Variants in TTLL5 observed in about 807,000 individuals in gnomAD.
The protein encoded by TTLL5 is tubulin tyrosine ligase like 5.
In TTLL5, 132 loss-of-function variants were observed where a neutral mutation model predicts 168.4. That is an observed-to-expected ratio of 0.78 (90% CI 0.68 to 0.91). The LOEUF (loss-of-function observed/expected upper bound fraction) is 0.91, where lower values mean the gene tolerates loss of function less well. Among genes scored for constraint, TTLL5 ranks in the 40% least tolerant of loss-of-function variants. The pLI is 0.00. For synonymous variants in TTLL5, 546 were observed against 558.6 expected, an observed-to-expected ratio of 0.98 and a Z score of 0.32; for missense variants, 1,545 against 1,581.5, an observed-to-expected ratio of 0.98 and a Z score of 0.39.
intron 6 of TTLL5, among the ~76,000 whole-genome samples, chr14:75,692,117 T>G (rs1040353414): frequency 1.8e-4 from 28 of 152,228 alleles, no homozygotes; most frequent in African/African-American, 6.0e-4. Context: ...TACTCCAACT[T>G]CTGTGTGCCT....
At chr14:75,849,823 G>A (rs144147168) in intron 28 of TTLL5, among the ~76,000 whole-genome samples, 74 of 152,270 alleles carry the variant, frequency 4.9e-4, no homozygotes, top group Admixed American at 4.1e-3. Flanking sequence ...GTGACTGGTC[G>A]GGTGTGGTGG....
chr14:75,833,167 G>T (rs1431112232), intron 28 of TTLL5, among the ~76,000 whole-genome samples: 1 of 152,052 alleles, frequency 6.6e-6, no homozygotes, highest in Non-Finnish European at 1.5e-5. Flanking sequence ...TTTTCTGCCA[G>T]GCCATCCCCT....
chr14:75,717,407 G>T (rs1341575155), intron 9 of TTLL5, among the ~76,000 whole-genome samples: 1 of 152,180 alleles, frequency 6.6e-6, no homozygotes, highest in East Asian at 1.9e-4. Flanking sequence ...GAGCCACCAT[G>T]CCCAGCCAGT....
intron 15 of TTLL5, among the ~76,000 whole-genome samples, chr14:75,743,630 G>A (rs1370710630): frequency 1.6e-5 from 2 of 123,426 alleles, no homozygotes; most frequent in Non-Finnish European, 3.1e-5. Context: ...TGCCCAGGCT[G>A]GAGTGCAGTG....
intron 3 of TTLL5, among the ~76,000 whole-genome samples, chr14:75,671,522 G>A (rs929666841): frequency 1.7e-4 from 26 of 152,004 alleles, no homozygotes; most frequent in African/African-American, 6.0e-4. Flanking sequence ...CTATGAACAT[G>A]GAATGTCTTT....
chr14:75,941,867 T>C (rs976976393), intron 31 of TTLL5, among the ~76,000 whole-genome samples: 103 of 98,692 alleles, frequency 1.0e-3, no homozygotes, highest in Non-Finnish European at 1.2e-3. Flanking sequence ...TTTTTTTTTT[T>C]CTGAACTGGA....
At chr14:75,740,262 T>C (rs771397747) in intron 15 of TTLL5, among the ~76,000 whole-genome samples, 4 of 152,226 alleles carry the variant, frequency 2.6e-5, no homozygotes, top group Non-Finnish European at 5.9e-5. Flanking sequence ...AAATAAAGCA[T>C]TCTTCATACT....
chr14:75,849,114 A>G (rs1220172245), intron 28 of TTLL5, among the ~76,000 whole-genome samples: 1 of 152,178 alleles, frequency 6.6e-6, no homozygotes, highest in Non-Finnish European at 1.5e-5. Flanking sequence ...TCCCAAATTT[A>G]TGTAATTGTC....
intron 15 of TTLL5, among the ~76,000 whole-genome samples, chr14:75,739,404 T>TA (rs941930369): frequency 9.4e-5 from 14 of 149,316 alleles, no homozygotes; most frequent in Admixed American, 4.0e-4. Flanking sequence ...TGGAGCTAAG[T>TA]AAAAAAAAAA....
At chr14:75,727,876 T>C (rs1461975094) in intron 12 of TTLL5, 1 of 493,874 alleles carries the variant, frequency 2.0e-6, no homozygotes, top group African/African-American at 1.9e-5. Context: ...GGCAGGATAC[T>C]TACTAGGAAG....
At chr14:75,698,472 G>GA (rs1886021549) in intron 6 of TTLL5, among the ~76,000 whole-genome samples, 1 of 152,016 alleles carries the variant, frequency 6.6e-6, no homozygotes, top group Non-Finnish European at 1.5e-5. Flanking sequence ...ACTAGATTTT[G>GA]GCTTACATTG....
chr14:75,743,586 T>TC (rs1889402029), intron 15 of TTLL5, among the ~76,000 whole-genome samples: 1 of 138,682 alleles, frequency 7.2e-6, no homozygotes. Context: ...TTTTTTTTTT[T>TC]TTTTTTTTTT....
rs535441834 is a variant in TTLL5 at position 75,731,499 on chromosome 14, C to G, written c.1043-839C>G. 3.9e-5 allele frequency among the ~76,000 whole-genome samples: 6 copies of G among 151,916 alleles called. No individual in the cohort carries two copies. The South Asian group carries it at 1.0e-3, about 26-fold the overall frequency. ...AAGGGTTTCAAAGTTAACCTCTCAT[C>G]CCTGAACTTGTTAAATGAAACCAGG... On this transcript the variant is annotated intron_variant, in intron 12 of 31. Transcript: ENST00000298832.
At chr14:75,929,071 GTACACAAGGAGGGA>G (rs1270152819) in intron 31 of TTLL5, among the ~76,000 whole-genome samples, 1 of 121,396 alleles carries the variant, frequency 8.2e-6, no homozygotes, top group Non-Finnish European at 1.6e-5. Flanking sequence ...TCTTGTCATT[GTACACAAGGAGGGA>G]ATCTCTGAGT....
At chr14:75,677,673 A>C (rs1884281761) in intron 3 of TTLL5, among the ~76,000 whole-genome samples, 1 of 151,484 alleles carries the variant, frequency 6.6e-6, no homozygotes, top group Non-Finnish European at 1.5e-5. Flanking sequence ...GCTGGAGTGC[A>C]ATGGTGTGAT....
At chr14:75,809,924 C>T (rs1893892671) in intron 27 of TTLL5, among the ~76,000 whole-genome samples, 1 of 152,068 alleles carries the variant, frequency 6.6e-6, no homozygotes, top group Non-Finnish European at 1.5e-5. Context: ...GAACTATATT[C>T]CTCTATGTAT....
Position 75,932,546 on chromosome 14 carries a change from TA to T in TTLL5, c.3824-21877del, listed in dbSNP as rs535633823. On this transcript the variant is annotated intron_variant, in intron 31 of 31. Transcript: ENST00000298832. ...AAAATAGAATGTTAACAGGCCATTT[TA>T]TTTTTTTTTACTGTTTTAACCCATG... Among the ~76,000 whole-genome samples the T allele has an allele frequency of 2.5e-3, 384 of 152,238 alleles. 4 individuals carry two copies. The highest frequency in any genetic ancestry group is 7.9e-3 in the African/African-American group (330 of 41,552).
At chr14:75,679,227 T>TA (rs1269667557) in intron 3 of TTLL5, among the ~76,000 whole-genome samples, 1 of 152,244 alleles carries the variant, frequency 6.6e-6, no homozygotes, top group Non-Finnish European at 1.5e-5. Context: ...GGGCCCAATG[T>TA]AATCACAAGA....
At chr14:75,824,628 A>C (rs915390282) in intron 28 of TTLL5, among the ~76,000 whole-genome samples, 6 of 152,200 alleles carry the variant, frequency 3.9e-5, no homozygotes, top group Non-Finnish European at 7.3e-5. Flanking sequence ...GTGAAAGATG[A>C]AAATGTTCTA....
Sources: allele counts gnomAD v4.1 joint callset (sites outside exome capture counted in the v4.1 genomes callset), GRCh38; gene constraint gnomAD v4.1.1; transcripts MANE v1.5; gene names NCBI Gene and HGNC (gene_info 2026-07-23, HGNC 2026-07-21).